Variants in S100Z observed in about 807,000 individuals in gnomAD.
S100Z encodes protein S100-Z.
A neutral mutation model predicts 8.5 loss-of-function variants in S100Z; 11 were observed. That is an observed-to-expected ratio of 1.30 (90% CI 0.82 to 2.15). S100Z has a LOEUF of 2.15. S100Z is among the 30% of genes most tolerant of loss of function. The pLI, the probability that S100Z is intolerant of heterozygous loss-of-function variation, is 0.00. For missense variants in S100Z, 126 were observed against 117.9 expected (o/e 1.07, Z -0.32); for synonymous variants, 34 against 43.8 (o/e 0.78, Z 0.89).
intron 1 of S100Z, among the ~76,000 whole-genome samples, chr5:76,860,415 A>T (rs1180043683): frequency 6.6e-6 from 1 of 152,150 alleles, no homozygotes; most frequent in Non-Finnish European, 1.5e-5. Context: ...CTATAGATAG[A>T]GTGAGGAGCA....
At position 76,916,273 on chromosome 5, in the gene S100Z, A is replaced by T. The variant is rs537615860; in HGVS notation, c.*3-4444A>T. ...TAATTATATATGTACCAAATAACAG[A>T]ACTACAAAATATGTAAAGCAAAAAC... On this transcript the variant is annotated intron_variant, in intron 4 of 4. Transcript: ENST00000317593. 6.6e-5 allele frequency among the ~76,000 whole-genome samples: 10 copies of T among 152,294 alleles called. No individual in the cohort carries two copies. In the South Asian group the frequency reaches 2.1e-3, roughly 32 times the overall value.
At chr5:76,917,635 C>T (rs1744895216) in intron 4 of S100Z, among the ~76,000 whole-genome samples, 1 of 152,164 alleles carries the variant, frequency 6.6e-6, no homozygotes, top group Non-Finnish European at 1.5e-5. Flanking sequence ...CCAGCCTGGC[C>T]AACATGGCGA....
intron 4 of S100Z, among the ~76,000 whole-genome samples, chr5:76,919,282 G>T (rs571777306): frequency 6.6e-6 from 1 of 152,138 alleles, no homozygotes; most frequent in Non-Finnish European, 1.5e-5. Context: ...TTCCAAAGTG[G>T]CAGTGCCATT....
intron 4 of S100Z, among the ~76,000 whole-genome samples, chr5:76,896,185 CT>C (rs1464357760): frequency 1.3e-5 from 2 of 152,294 alleles, no homozygotes; most frequent in African/African-American, 4.8e-5. Context: ...CCCCAACCCC[CT>C]GCTACCCTTC....
At chr5:76,874,834 C>T (rs1451478774) in intron 2 of S100Z, among the ~76,000 whole-genome samples, 1 of 152,076 alleles carries the variant, frequency 6.6e-6, no homozygotes. Flanking sequence ...TGCTTATTTG[C>T]AGCTTGCCCC....
rs1449933359 is a variant in S100Z, at chr5:76,855,759, G to A, written c.-176+5604G>A. Among the ~76,000 whole-genome samples, 4 of 152,176 alleles carry A rather than the reference G, an allele frequency of 2.6e-5. No homozygotes were observed. The East Asian group carries it at 7.7e-4, about 29-fold the overall frequency. On this transcript the variant is annotated intron_variant, in intron 1 of 4. Coordinates refer to ENST00000317593, the MANE Select transcript of S100Z (RefSeq NM_130772.4). ...GCTGGAATGAGTTAAGACTTTGGGG[G>A]ACTGTTGAGAAGGGATGATTGTATT...
intron 2 of S100Z, among the ~76,000 whole-genome samples, chr5:76,872,183 G>T (rs1743034951): frequency 6.6e-6 from 1 of 151,696 alleles, no homozygotes; most frequent in African/African-American, 2.4e-5. Flanking sequence ...GGAGTTCGAG[G>T]CTGCAGTGAG....
At chr5:76,942,390 A>G in the S100Z span, among the ~76,000 whole-genome samples, 92,650 of 144,610 alleles carry the variant, frequency 0.64, 30,012 homozygotes, top group South Asian at 0.76. Context: ...GGGATTACAG[A>G]CATGAGCCAC....
intron 2 of S100Z, among the ~76,000 whole-genome samples, chr5:76,875,044 G>A (rs1415277436): frequency 6.6e-6 from 1 of 152,018 alleles, no homozygotes; most frequent in Admixed American, 6.5e-5. Flanking sequence ...GCCCGCCGCC[G>A]CGCCCGGCTA....
chr5:76,946,493 C>A, the S100Z span, among the ~76,000 whole-genome samples: 2 of 152,088 alleles, frequency 1.3e-5, no homozygotes, highest in Non-Finnish European at 1.5e-5. Context: ...TTAATGGGAC[C>A]CATTCCTAGC....
intron 1 of S100Z, among the ~76,000 whole-genome samples, chr5:76,862,803 C>T (rs1649967981): frequency 6.6e-6 from 1 of 151,758 alleles, no homozygotes; most frequent in East Asian, 1.9e-4. Flanking sequence ...CTTGTGACCC[C>T]ATCGCGAAAC....
At chr5:76,852,673 G>T (rs2150616817) in intron 1 of S100Z, among the ~76,000 whole-genome samples, 1 of 152,206 alleles carries the variant, frequency 6.6e-6, no homozygotes, top group African/African-American at 2.4e-5. Context: ...TCCCGCTACT[G>T]CACTGCACTC....
chr5:76,888,366 TA>T (rs1743726531), intron 4 of S100Z, among the ~76,000 whole-genome samples: 3 of 73,358 alleles, frequency 4.1e-5, no homozygotes, highest in Admixed American at 1.6e-4. Flanking sequence ...AAAGTGCTGG[TA>T]TTTTTTTTTT....
chr5:76,936,491 C>A, the S100Z span, among the ~76,000 whole-genome samples: 1 of 151,740 alleles, frequency 6.6e-6, no homozygotes, highest in African/African-American at 2.4e-5. Context: ...TTTTTTAAAA[C>A]CATGAACATA....
intron 1 of S100Z, among the ~76,000 whole-genome samples, chr5:76,852,008 A>T (rs1366399754): frequency 1.3e-5 from 2 of 152,068 alleles, no homozygotes; most frequent in Non-Finnish European, 2.9e-5. Context: ...CTTGAGTTGC[A>T]GTCTTAAAAT....
chr5:76,859,672 C>G (rs1389335827), intron 1 of S100Z, among the ~76,000 whole-genome samples: 1 of 146,616 alleles, frequency 6.8e-6, no homozygotes, highest in Non-Finnish European at 1.5e-5. Flanking sequence ...ATCCCAGCTA[C>G]TTGGAAGGCT....
intron 2 of S100Z, among the ~76,000 whole-genome samples, chr5:76,872,078 A>G (rs1323108295): frequency 6.6e-6 from 1 of 151,680 alleles, no homozygotes; most frequent in African/African-American, 2.4e-5. Context: ...CTCTAAAAAA[A>G]GTAAAAAATA....
chr5:76,936,235 T>C, the S100Z span, among the ~76,000 whole-genome samples: 1 of 152,092 alleles, frequency 6.6e-6, no homozygotes, highest in Non-Finnish European at 1.5e-5. Flanking sequence ...GGAAAAAGTA[T>C]ATTTAATGAT....
chr5:76,850,335 G>GA (rs1561218224), intron 1 of S100Z, among the ~76,000 whole-genome samples, 180 bp downstream of exon 1: 104 of 111,058 alleles, frequency 9.4e-4, no homozygotes, highest in African/African-American at 3.3e-3. Context: ...GGGGGGTGGG[G>GA]GAGAGAGAGA....
Sources: gnomAD v4.1 joint callset for allele counts (sites outside exome capture counted in the v4.1 genomes callset) on GRCh38, gnomAD v4.1.1 for gene constraint, MANE v1.5 for transcripts, NCBI Gene and HGNC (gene_info 2026-07-23, HGNC 2026-07-21) for gene names.